SMOX: variants seen among roughly 807,000 people sequenced by gnomAD.
The protein encoded by SMOX is spermine oxidase.
A neutral mutation model predicts 51.0 loss-of-function variants in SMOX; 22 were observed. That is an observed-to-expected ratio of 0.43 (90% CI 0.31 to 0.62). The LOEUF is 0.62. Ranked by LOEUF, SMOX falls within the 20% of genes least tolerant of loss-of-function variation. The pLI is 0.10. For synonymous variants in SMOX, 282 were observed against 307.8 expected, an observed-to-expected ratio of 0.92 and a Z score of 0.88; for missense variants, 566 against 777.7, an observed-to-expected ratio of 0.73 and a Z score of 3.24.
rs763783279 is a variant in SMOX at position 4,182,852 on chromosome 20, C to G, written c.1369+4C>G. ...GAGATGCTGCGTCAGTTCACAGGTG[C>G]GCCACGTGCCCCACGACCCGCTTCC... is the stretch of plus-strand genomic sequence containing the variant. On this transcript the variant is annotated splice_donor_region_variant and intron_variant, in intron 5 of 6. Coordinates refer to ENST00000305958, the MANE Select transcript of SMOX (RefSeq NM_175839.3). This position sits in a 1 kb window ranked among gnomAD's most constrained non-coding sequence, Gnocchi z 8.4. 3 of 1,598,142 alleles carry G rather than the reference C, an allele frequency of 1.9e-6. No homozygotes were observed. The highest frequency in any genetic ancestry group is 1.3e-5 in the African/African-American group (1 of 74,860).
chr20:4,175,325 G>A (rs565192253), intron 2 of SMOX, 62 bp downstream of exon 2: 158 of 1,528,784 alleles, frequency 1.0e-4, no homozygotes, highest in Middle Eastern at 3.4e-4. Context: ...CCTAATTCCC[G>A]GCTCTGCCTG....
chr20:4,149,750 C>G lies in SMOX; in HGVS notation c.-27+773C>G, dbSNP rs1043109680. On this transcript the variant is annotated intron_variant, in intron 1 of 6. Transcript: ENST00000305958. The surrounding 1 kb of genome is among the most constrained non-coding windows in gnomAD (Gnocchi z 6.0). ...GGGGGACTTGGCCCGATGAGATACG[C>G]TCGGTGCCCGGCACGTATAGTGAGA... 6.6e-5 allele frequency among the ~76,000 whole-genome samples: 10 copies of G among 152,196 alleles called. No homozygotes were observed. The highest frequency in any genetic ancestry group is 2.4e-4 in the African/African-American group (10 of 41,450).
In SMOX at chr20:4,177,334, G is replaced by C; in HGVS notation, c.209-17G>C. 1 of 1,550,602 alleles carries C rather than the reference G, an allele frequency of 6.4e-7. No homozygotes were observed. Among genetic ancestry groups the C allele is most frequent in the Non-Finnish European group, 8.7e-7 (1 of 1,146,082 alleles). ...GAAGTCCCTAAGCCTCTAAGGGCCT[G>C]CTGTTGTCACCCTCAGGACACGCCA... On this transcript the variant is annotated splice_polypyrimidine_tract_variant and intron_variant, in intron 2 of 6. Transcript: ENST00000305958. The surrounding 1 kb of genome is among the most constrained non-coding windows in gnomAD (Gnocchi z 4.3).
At chr20:4,151,405 C>G (rs566030216) in intron 1 of SMOX, among the ~76,000 whole-genome samples, 96 of 152,276 alleles carry the variant, frequency 6.3e-4, no homozygotes, top group African/African-American at 2.3e-3. Context: ...CGTGATAGCT[C>G]TCTATCACAC....
At chr20:4,165,499 CT>C (rs960026329) in intron 1 of SMOX, among the ~76,000 whole-genome samples, 17 of 152,316 alleles carry the variant, frequency 1.1e-4, no homozygotes, top group Non-Finnish European at 2.2e-4. Context: ...TGTTCTGGGC[CT>C]GGTCTTTCTT....
At chr20:4,155,139 T>C in intron 1 of SMOX, among the ~76,000 whole-genome samples, 1 of 152,030 alleles carries the variant, frequency 6.6e-6, no homozygotes, top group African/African-American at 2.4e-5. Context: ...GGGCAACCAA[T>C]CTGGGGTGAG....
In SMOX at chr20:4,177,608, G is replaced by T. The variant is rs576824966; in HGVS notation, c.435+31G>T. 2.6e-6 allele frequency: 4 copies of T among 1,552,526 alleles called. No homozygotes were observed. In the African/African-American group the frequency reaches 5.4e-5, roughly 21 times the overall value. Reference sequence around the variant, plus strand: ...GTGTGAGCAGAGTAGCTGGGCGTAAGGGCATGGGGAGACCTGGGAGGTCTG... The same window carrying T: ...GTGTGAGCAGAGTAGCTGGGCGTAATGGCATGGGGAGACCTGGGAGGTCTG... On this transcript the variant is annotated intron_variant, in intron 3 of 6. Transcript: ENST00000305958. The surrounding 1 kb of genome is among the most constrained non-coding windows in gnomAD (Gnocchi z 4.3).
intron 6 of SMOX, among the ~76,000 whole-genome samples, chr20:4,186,154 A>T (rs1457863645): frequency 6.6e-6 from 1 of 151,988 alleles, no homozygotes; most frequent in African/African-American, 2.4e-5. Context: ...AATTTAAAAA[A>T]AAATTAGCCA....
intron 3 of SMOX, among the ~76,000 whole-genome samples, chr20:4,178,307 G>A (rs1979042842): frequency 6.6e-6 from 1 of 152,176 alleles, no homozygotes; most frequent in Non-Finnish European, 1.5e-5. Context: ...AAAGTGCTGG[G>A]ATTATAGGCG....
At position 4,182,055 on chromosome 20, in the gene SMOX, C is replaced by A. The variant is rs763472797; in HGVS notation, c.610-34C>A. ...TGCTCCTACCCCTGCCCAACCCCGG[C>A]GGTCACCTGGCTTCTCCTTGGGTCT... On this transcript the variant is annotated intron_variant, in intron 4 of 6. Coordinates refer to ENST00000305958, the MANE Select transcript of SMOX (RefSeq NM_175839.3). The surrounding 1 kb of genome is among the most constrained non-coding windows in gnomAD (Gnocchi z 8.4). 1.6e-5 allele frequency: 26 copies of A among 1,584,848 alleles called. No individual in the cohort carries two copies. Among genetic ancestry groups the A allele is most frequent in the Non-Finnish European group, 2.2e-5 (26 of 1,163,688 alleles).
intron 1 of SMOX, among the ~76,000 whole-genome samples, chr20:4,168,101 C>T (rs1986646513): frequency 7.7e-6 from 1 of 129,716 alleles, no homozygotes; most frequent in South Asian, 2.7e-4. Flanking sequence ...CTGTTAGAAA[C>T]CTGAGAAAGA....
At position 4,170,891 on chromosome 20, in the gene SMOX, C is replaced by T. The variant is rs1600812151; in HGVS notation, c.-26-4139C>T. Among the ~76,000 whole-genome samples, 1 of 152,044 alleles carries T rather than the reference C, an allele frequency of 6.6e-6. No homozygotes were observed. The highest frequency in any genetic ancestry group is 1.5e-5 in the Non-Finnish European group (1 of 68,020). On this transcript the variant is annotated intron_variant, in intron 1 of 6. Transcript: ENST00000305958. The surrounding 1 kb of genome is among the most constrained non-coding windows in gnomAD (Gnocchi z 4.6). ...ATCTTGGATGAAATTGCCAGGGGAC[C>T]GGGGGGTGCACTCATGCCCTGGCTG... is the stretch of plus-strand genomic sequence containing the variant.
chr20:4,169,984 C>A (rs946585843), intron 1 of SMOX, among the ~76,000 whole-genome samples: 1 of 151,994 alleles, frequency 6.6e-6, no homozygotes, highest in Admixed American at 6.6e-5. Flanking sequence ...CCAGCTGGGT[C>A]CAGAGGGCAA....
At chr20:4,173,656 C>T (rs1177521926) in intron 1 of SMOX, among the ~76,000 whole-genome samples, 2 of 152,196 alleles carry the variant, frequency 1.3e-5, no homozygotes, top group East Asian at 3.8e-4. Flanking sequence ...GGTGACAGTG[C>T]CCCTTGTTTG....
In SMOX at chr20:4,158,286, G is replaced by A. The variant is rs140516891; in HGVS notation, c.-27+9309G>A. ...CCGACCTGACCCGAAGGCCCTGGTG[G>A]GGCATGCTCAGTGGATTTTCCTACC... On this transcript the variant is annotated intron_variant, in intron 1 of 6. Transcript: ENST00000305958. Among the ~76,000 whole-genome samples, 273 of 152,238 alleles carry A rather than the reference G, an allele frequency of 1.8e-3. 1 individual carries two copies. Among genetic ancestry groups the A allele is most frequent in the African/African-American group, 5.8e-3 (239 of 41,542 alleles).
rs1340326959 is a variant in SMOX, at chr20:4,167,663, C to T, written c.-26-7367C>T. ...GGCAAGGTAGAGATTGAGCTGGGGC[C>T]TGATTCCCAGGTCTGGGCCAGTGTT... On this transcript the variant is annotated intron_variant, in intron 1 of 6. Transcript: ENST00000305958. This position sits in a 1 kb window ranked among gnomAD's most constrained non-coding sequence, Gnocchi z 4.8. Among the ~76,000 whole-genome samples, 1 of 152,102 alleles carries T rather than the reference C, an allele frequency of 6.6e-6. No individual in the cohort carries two copies. Among genetic ancestry groups the T allele is most frequent in the African/African-American group, 2.4e-5 (1 of 41,408 alleles).
rs760624917 is a variant in SMOX, at chr20:4,177,473, C to T, written c.331C>T (p.Arg111Cys). ...ETTDGERSVG[R>C]ISLYSKNGVA... ...AACCGATGGGGAACGCAGCGTGGGC[C>T]GCATCAGCCTCTATTCCAAGAATGG... Residue 111 changes from arginine to cysteine, a missense_variant, in exon 3 of 7, where the codon CGC (arginine) becomes TGC (cysteine). By Grantham distance (180) the Arg-to-Cys change is radical (BLOSUM62 -3). Transcript: ENST00000305958. The surrounding 1 kb of genome is among the most constrained non-coding windows in gnomAD (Gnocchi z 4.3). 11 of 1,580,106 alleles carry T rather than the reference C, an allele frequency of 7.0e-6. No individual in the cohort carries two copies. Among genetic ancestry groups the T allele is most frequent in the Non-Finnish European group, 8.6e-6 (10 of 1,161,552 alleles).
Position 4,170,318 on chromosome 20 carries a change from G to A in SMOX, c.-26-4712G>A, listed in dbSNP as rs1289445531. Among the ~76,000 whole-genome samples the A allele has an allele frequency of 2.0e-5, 3 of 152,162 alleles. No homozygotes were observed. Among genetic ancestry groups the A allele is most frequent in the African/African-American group, 7.2e-5 (3 of 41,434 alleles). Reference sequence around the variant, plus strand: ...GGTGGTCCTGTAATTTGCCCTCAATGAGGAAAGTGCCAGGAGTTGGGTGGT... The same window carrying A: ...GGTGGTCCTGTAATTTGCCCTCAATAAGGAAAGTGCCAGGAGTTGGGTGGT... On this transcript the variant is annotated intron_variant, in intron 1 of 6. Transcript: ENST00000305958. The surrounding 1 kb of genome is among the most constrained non-coding windows in gnomAD (Gnocchi z 4.6).
At chr20:4,178,429 G>A (rs974167687) in intron 3 of SMOX, among the ~76,000 whole-genome samples, 3 of 152,092 alleles carry the variant, frequency 2.0e-5, no homozygotes, top group Non-Finnish European at 2.9e-5. Context: ...TTGCCTTATT[G>A]CACTGGTTAG....
Sources: allele counts gnomAD v4.1 joint callset (sites outside exome capture counted in the v4.1 genomes callset), GRCh38; gene constraint gnomAD v4.1.1; non-coding constraint Gnocchi (gnomAD v3.1); transcripts MANE v1.5; gene names NCBI Gene and HGNC (gene_info 2026-07-23, HGNC 2026-07-21).